Variants in GEMIN2 observed in about 807,000 individuals in gnomAD.
GEMIN2 encodes gem-associated protein 2.
GEMIN2 carries 37 observed loss-of-function variants against 45.8 expected under a neutral mutation model. The observed-to-expected ratio is 0.81, with a 90% CI of 0.62 to 1.06. The LOEUF (loss-of-function observed/expected upper bound fraction) is 1.06, where lower values mean the gene tolerates loss of function less well. Among genes scored for constraint, GEMIN2 ranks in the 50% least tolerant of loss-of-function variants. The pLI is 0.00. For synonymous variants in GEMIN2, 101 were observed against 111.5 expected, an observed-to-expected ratio of 0.91 and a Z score of 0.60; for missense variants, 335 against 321.8, an observed-to-expected ratio of 1.04 and a Z score of -0.31.
intron 7 of GEMIN2, among the ~76,000 whole-genome samples, chr14:39,131,338 A>G (rs2052713101): frequency 6.6e-6 from 1 of 152,194 alleles, no homozygotes; most frequent in South Asian, 2.1e-4. Context: ...GAAAAACAAG[A>G]ACATTTTTAA....
chr14:39,115,630 T>A (rs1372222322), intron 2 of GEMIN2, among the ~76,000 whole-genome samples: 1 of 151,924 alleles, frequency 6.6e-6, no homozygotes, highest in Non-Finnish European at 1.5e-5. Context: ...CTAATTTTTG[T>A]ATTTTTAGTA....
intron 3 of GEMIN2, 65 bp downstream of exon 3, chr14:39,118,153 G>T: frequency 1.3e-6 from 1 of 768,898 alleles, no homozygotes; most frequent in South Asian, 1.8e-5. Context: ...GACTGTAGCT[G>T]GAAAAATAAA....
At chr14:39,122,766 A>C (rs1458415678) in intron 5 of GEMIN2, 1 of 354,396 alleles carries the variant, frequency 2.8e-6, no homozygotes, top group Admixed American at 4.7e-5. Flanking sequence ...TTGCTGTCTG[A>C]CTCTTGATAG....
chr14:39,120,747 C>G (rs1326108509), intron 4 of GEMIN2, among the ~76,000 whole-genome samples: 1 of 152,168 alleles, frequency 6.6e-6, no homozygotes, highest in African/African-American at 2.4e-5. Context: ...CCTGCCTCAG[C>G]CTCCCAAGTA....
At chr14:39,127,028 G>A (rs2052651719) in intron 6 of GEMIN2, among the ~76,000 whole-genome samples, 1 of 150,964 alleles carries the variant, frequency 6.6e-6, no homozygotes, top group African/African-American at 2.4e-5. Flanking sequence ...CTCCCAAAGT[G>A]CTGGGATTAT....
Position 39,126,956 on chromosome 14 carries a change from G to A in GEMIN2, c.532-1324G>A, listed in dbSNP as rs531932800. Among the ~76,000 whole-genome samples the A allele has an allele frequency of 2.0e-5, 3 of 152,032 alleles. 1 individual carries two copies. Among genetic ancestry groups the A allele is most frequent in the African/African-American group, 7.2e-5 (3 of 41,454 alleles). ...AATTTTTTGTATTTTAGCAGGGATG[G>A]GGTTTACCGTGTTGGCCAGGATGGT... On this transcript the variant is annotated intron_variant, in intron 6 of 9. Transcript: ENST00000308317.
chr14:39,136,571 C>A lies in GEMIN2; in HGVS notation c.*92C>A. On this transcript the variant is annotated 3_prime_UTR_variant, in exon 10 of 10. Transcript: ENST00000308317. ...GCCAATTCAAGTACAGATTTCAACA[C>A]ATCTTCAACACTATGTGAAGGGTTC... 4 of 928,420 alleles carry A rather than the reference C, an allele frequency of 4.3e-6. No homozygotes were observed. In the East Asian group the frequency reaches 9.6e-5, roughly 22 times the overall value. 57.5% of individuals were successfully genotyped at this position (928,420 alleles called of 1,614,324 possible).
chr14:39,119,260 G>C (rs2052548985), intron 4 of GEMIN2, among the ~76,000 whole-genome samples: 1 of 152,194 alleles, frequency 6.6e-6, no homozygotes, highest in South Asian at 2.1e-4. Flanking sequence ...GTGCCATGCA[G>C]TAAACTCACA....
intron 7 of GEMIN2, among the ~76,000 whole-genome samples, chr14:39,131,038 C>G (rs1403835925): frequency 1.3e-5 from 2 of 152,060 alleles, no homozygotes; most frequent in African/African-American, 4.8e-5. Context: ...TGGCTCACGC[C>G]TGTAATCTCA....
intron 3 of GEMIN2, 67 bp downstream of exon 3, chr14:39,118,155 A>C (rs1431654386): frequency 2.6e-6 from 2 of 766,222 alleles, no homozygotes; most frequent in Non-Finnish European, 4.3e-6. Context: ...CTGTAGCTGG[A>C]AAAATAAAAT....
At chr14:39,119,216 T>A (rs2052548688) in intron 4 of GEMIN2, among the ~76,000 whole-genome samples, 1 of 152,214 alleles carries the variant, frequency 6.6e-6, no homozygotes, top group Non-Finnish European at 1.5e-5. Flanking sequence ...AAAAATTGAA[T>A]AAAGCCTTAA....
At position 39,118,080 on chromosome 14, in the gene GEMIN2, G is replaced by C. The variant is rs781640244; in HGVS notation, c.304G>C (p.Val102Leu). The change falls in exon 3 of 10, where the codon GTT (valine) becomes CTT (leucine). Residue 102 changes from valine (V) to leucine (L), a missense_variant. By Grantham distance (32) the Val-to-Leu change is conservative (BLOSUM62 1). Transcript: ENST00000308317. ...QQQQVAQFSTVRQNVNKHRSH... is the reference protein window; with the variant it reads ...QQQQVAQFSTLRQNVNKHRSH... ...GCAACAAGTGGCACAGTTTTCAACT[G>C]TTCGACAGGTAAGTGTCATATTTAA... 6.4e-7 allele frequency: 1 copy of C among 1,562,798 alleles called. No homozygotes were observed. The highest frequency in any genetic ancestry group is 8.8e-7 in the Non-Finnish European group (1 of 1,137,084).
At chr14:39,115,890 T>C (rs563361422) in intron 2 of GEMIN2, among the ~76,000 whole-genome samples, 148 of 152,300 alleles carry the variant, frequency 9.7e-4, no homozygotes, top group African/African-American at 3.1e-3. Context: ...GTTCCTACCC[T>C]TGTAGAGTTT....
rs1555332999 is a variant in GEMIN2 at position 39,114,358 on chromosome 14, A to G, written c.20A>G (p.Glu7Gly). MAWVPA[E>G]SAVEELMPRL... Reference sequence around the variant, plus strand: ...AAAACCATGGCGTGGGTACCAGCGGAGTCCGCAGTGGAAGAGTTGATGCCT... The same window carrying G: ...AAAACCATGGCGTGGGTACCAGCGGGGTCCGCAGTGGAAGAGTTGATGCCT... Residue 7 changes from glutamate to glycine, a missense_variant, in exon 1 of 10, where the codon GAG becomes GGG. Coordinates refer to ENST00000308317, the MANE Select transcript of GEMIN2 (RefSeq NM_003616.3). 6.2e-7 allele frequency: 1 copy of G among 1,613,886 alleles called. No individual in the cohort carries two copies. The highest frequency in any genetic ancestry group is 1.1e-5 in the South Asian group (1 of 91,076).
chr14:39,133,206 CTG>C (rs1292652603), intron 8 of GEMIN2, among the ~76,000 whole-genome samples: 7 of 145,932 alleles, frequency 4.8e-5, no homozygotes, highest in Non-Finnish European at 9.0e-5. Context: ...AATAAGAATC[CTG>C]TGTCTTGACT....
chr14:39,123,473 A>C (rs2052599064), intron 5 of GEMIN2, among the ~76,000 whole-genome samples: 1 of 151,848 alleles, frequency 6.6e-6, no homozygotes, highest in South Asian at 2.1e-4. Context: ...GAAGTATAAC[A>C]TAACTATGCC....
At chr14:39,129,934 GTTT>G (rs34165330) in intron 7 of GEMIN2, among the ~76,000 whole-genome samples, 3 of 61,432 alleles carry the variant, frequency 4.9e-5, no homozygotes, top group South Asian at 8.3e-4. Flanking sequence ...AGACAAGTTT[GTTT>G]TTTTTTTTTT....
intron 5 of GEMIN2, among the ~76,000 whole-genome samples, chr14:39,123,708 A>ATTTTTTT (rs1162485883): frequency 8.0e-5 from 3 of 37,686 alleles, no homozygotes; most frequent in African/African-American, 2.6e-4. Context: ...ATATATATAT[A>ATTTTTTT]TTTTTTTTTT....
At chr14:39,129,514 A>C (rs560569523) in intron 7 of GEMIN2, among the ~76,000 whole-genome samples, 1 of 152,162 alleles carries the variant, frequency 6.6e-6, no homozygotes, top group African/African-American at 2.4e-5. Context: ...CCTGGTTTCA[A>C]GTGATTCTCC....
Sources: gnomAD v4.1 joint callset for allele counts (sites outside exome capture counted in the v4.1 genomes callset) on GRCh38, gnomAD v4.1.1 for gene constraint, MANE v1.5 for transcripts, NCBI Gene and HGNC (gene_info 2026-07-23, HGNC 2026-07-21) for gene names.